SGCZ: variants seen among roughly 807,000 people sequenced by gnomAD.
The protein encoded by SGCZ is zeta-sarcoglycan.
Under a neutral mutation model 41.3 loss-of-function variants are expected in SGCZ, and 40 were observed. That is an observed-to-expected ratio of 0.97 (90% CI 0.75 to 1.26). The LOEUF is 1.26. Ranked by LOEUF, SGCZ falls within the 50% of genes most tolerant of loss-of-function variation. The probability of loss-of-function intolerance (pLI) is 0.00; values close to 1 mark genes in which losing one functional copy is unlikely to be tolerated. For missense variants in SGCZ, 552 were observed against 369.8 expected (o/e 1.49, Z -4.04); for synonymous variants, 206 against 137.5 (o/e 1.50, Z -3.49).
At chr8:14,425,896 A>G (rs1799768030) in intron 2 of SGCZ, among the ~76,000 whole-genome samples, 1 of 152,166 alleles carries the variant, frequency 6.6e-6, no homozygotes, top group Non-Finnish European at 1.5e-5. Context: ...TTTATTAAAG[A>G]AGGTTCAGGG....
intron 1 of SGCZ, among the ~76,000 whole-genome samples, chr8:15,168,805 C>G (rs1272683477): frequency 6.6e-6 from 1 of 152,202 alleles, no homozygotes; most frequent in East Asian, 1.9e-4. Flanking sequence ...GGACCCTCCC[C>G]TCAGATGCAT....
At chr8:14,607,582 T>C (rs1221907547) in intron 1 of SGCZ, among the ~76,000 whole-genome samples, 1 of 152,152 alleles carries the variant, frequency 6.6e-6, no homozygotes, top group African/African-American at 2.4e-5. Flanking sequence ...TCTTGAATGC[T>C]GCCCAAATTG....
intron 1 of SGCZ, among the ~76,000 whole-genome samples, chr8:14,827,238 T>TG (rs1412116812): frequency 5.6e-5 from 6 of 106,228 alleles, no homozygotes; most frequent in Non-Finnish European, 1.0e-4. Flanking sequence ...TTTCTTTTCT[T>TG]TTTTTTTTTT....
intron 1 of SGCZ, among the ~76,000 whole-genome samples, chr8:14,970,803 ATT>A (rs1450772680): frequency 6.6e-6 from 1 of 152,124 alleles, no homozygotes; most frequent in East Asian, 1.9e-4. Flanking sequence ...TTCTATATGA[ATT>A]TGTGTTTGTC....
chr8:14,571,273 G>C (rs1010461172), intron 1 of SGCZ, among the ~76,000 whole-genome samples: 13 of 152,150 alleles, frequency 8.5e-5, no homozygotes, highest in African/African-American at 2.9e-4. Flanking sequence ...CTTCCACCAG[G>C]TCACTCCCTC....
intron 1 of SGCZ, among the ~76,000 whole-genome samples, chr8:14,938,671 T>TA (rs1354066855): frequency 1.3e-5 from 2 of 151,998 alleles, no homozygotes; most frequent in Non-Finnish European, 2.9e-5. Context: ...TATTTAGCCA[T>TA]AAAAAAGAAG....
intron 2 of SGCZ, among the ~76,000 whole-genome samples, 156 bp from the exon 3 acceptor site, chr8:14,324,360 C>A (rs189748666): frequency 7.9e-5 from 12 of 152,046 alleles, no homozygotes; most frequent in Admixed American, 4.6e-4. Flanking sequence ...TGTTTGCAGC[C>A]CTTTGCATGC....
chr8:15,162,128 G>A (rs1799528279), intron 1 of SGCZ, among the ~76,000 whole-genome samples: 1 of 152,190 alleles, frequency 6.6e-6, no homozygotes, highest in African/African-American at 2.4e-5. Context: ...ATTGGATGAA[G>A]ACATCTATGA....
At chr8:14,723,008 A>C (rs909894354) in intron 1 of SGCZ, among the ~76,000 whole-genome samples, 4 of 152,166 alleles carry the variant, frequency 2.6e-5, no homozygotes, top group Non-Finnish European at 5.9e-5. Context: ...TTCTAATTTC[A>C]AGCTCCTCAT....
intron 5 of SGCZ, among the ~76,000 whole-genome samples, chr8:14,126,988 G>A (rs186299288): frequency 6.6e-6 from 1 of 152,080 alleles, no homozygotes; most frequent in Admixed American, 6.5e-5. Context: ...GGGGGTCAGG[G>A]GGAGGGAGAG....
intron 2 of SGCZ, among the ~76,000 whole-genome samples, chr8:14,394,939 G>C (rs1375022301): frequency 6.6e-6 from 1 of 152,100 alleles, no homozygotes; most frequent in African/African-American, 2.4e-5. Flanking sequence ...TTTGTATCTA[G>C]ATTTCCATTA....
At chr8:14,307,541 G>A (rs1585344087) in intron 3 of SGCZ, among the ~76,000 whole-genome samples, 1 of 152,004 alleles carries the variant, frequency 6.6e-6, no homozygotes. Flanking sequence ...AGCAAAAAAA[G>A]AAAGGGTCTG....
Position 14,479,564 on chromosome 8 carries a change from A to T in SGCZ, c.234+75168T>A, listed in dbSNP as rs373387234. On this transcript the variant is annotated intron_variant, in intron 2 of 7. Transcript: ENST00000382080. ...CGCAGTATTAACCATCACACCTGTT[A>T]TCTATTTAGAGCTATCATCCCTGCA... 9.2e-5 allele frequency among the ~76,000 whole-genome samples: 14 copies of T among 152,168 alleles called. No homozygotes were observed. In the South Asian group the frequency reaches 2.1e-3, roughly 23 times the overall value.
At chr8:14,963,051 G>C (rs80136745) in intron 1 of SGCZ, among the ~76,000 whole-genome samples, 2 of 152,216 alleles carry the variant, frequency 1.3e-5, no homozygotes, top group African/African-American at 4.8e-5. Flanking sequence ...GATTTTATTT[G>C]ATTTCTGAAT....
chr8:14,856,329 C>T (rs1293400231), intron 1 of SGCZ, among the ~76,000 whole-genome samples: 1 of 152,146 alleles, frequency 6.6e-6, no homozygotes, highest in South Asian at 2.1e-4. Context: ...AGGACAGGCC[C>T]TTGCTCTTTT....
intron 1 of SGCZ, among the ~76,000 whole-genome samples, chr8:14,613,109 C>G (rs1805983451): frequency 6.6e-6 from 1 of 152,204 alleles, no homozygotes; most frequent in Non-Finnish European, 1.5e-5. Context: ...TGCACCCTGC[C>G]TGGCACTCAG....
chr8:14,539,211 C>G (rs1307989350), intron 2 of SGCZ, among the ~76,000 whole-genome samples: 1 of 151,984 alleles, frequency 6.6e-6, no homozygotes, highest in Non-Finnish European at 1.5e-5. Flanking sequence ...GGGCCTCCCG[C>G]CAAATGGCCT....
intron 1 of SGCZ, among the ~76,000 whole-genome samples, chr8:15,171,215 C>G (rs535981454): frequency 6.6e-6 from 1 of 152,078 alleles, no homozygotes; most frequent in Non-Finnish European, 1.5e-5. Context: ...AGTTCATTTT[C>G]CTGAATTATA....
chr8:15,195,595 G>T (rs371597306), intron 1 of SGCZ, among the ~76,000 whole-genome samples: 1 of 152,106 alleles, frequency 6.6e-6, no homozygotes, highest in African/African-American at 2.4e-5. Context: ...ACAAGAGTCC[G>T]TGCCTGATTG....
Sources: gnomAD v4.1 joint callset for allele counts (sites outside exome capture counted in the v4.1 genomes callset) on GRCh38, gnomAD v4.1.1 for gene constraint, MANE v1.5 for transcripts, NCBI Gene and HGNC (gene_info 2026-07-23, HGNC 2026-07-21) for gene names.